Variants in PCDH1 observed in about 807,000 individuals in gnomAD.
PCDH1 encodes protocadherin 1, also known as protocadherin-1.
PCDH1 carries 23 observed loss-of-function variants against 74.6 expected under a neutral mutation model. The observed-to-expected ratio is 0.31, with a 90% CI of 0.22 to 0.44. The LOEUF is 0.44. Ranked by LOEUF, PCDH1 falls within the 20% of genes least tolerant of loss-of-function variation. PCDH1 has a pLI of 1.00. For synonymous variants in PCDH1, 647 were observed against 686.1 expected, an observed-to-expected ratio of 0.94 and a Z score of 0.89; for missense variants, 1,214 against 1,641.4, an observed-to-expected ratio of 0.74 and a Z score of 4.50.
At chr5:141,859,851 A>C (rs1372154205) in intron 3 of PCDH1, among the ~76,000 whole-genome samples, 1 of 152,084 alleles carries the variant, frequency 6.6e-6, no homozygotes, top group African/African-American at 2.4e-5. Context: ...CATCTAAAAC[A>C]CTCATGAGCT....
chr5:141,853,295 C>A lies in PCDH1; in HGVS notation c.*747G>T. On this transcript the variant is annotated 3_prime_UTR_variant, in exon 5 of 5. Coordinates refer to ENST00000287008, the MANE Select transcript of PCDH1 (RefSeq NM_032420.5). ...GGGCACTGCGGCAGGGAGGAGGGGG[C>A]ACAGGGCAGGTCCCCCCCCAGAGGG... The A allele has an allele frequency of 6.7e-6, 1 of 149,614 alleles. No individual in the cohort carries two copies. Among genetic ancestry groups the A allele is most frequent in the Non-Finnish European group, 1.5e-5 (1 of 67,820 alleles). 9.3% of individuals were successfully genotyped at this position (149,614 alleles called of 1,614,324 possible).
rs1161262717 is a variant in PCDH1, at chr5:141,857,439, G to A, written c.3132C>T (p.Thr1044=). 1 of 1,613,964 alleles carries A rather than the reference G, an allele frequency of 6.2e-7. No homozygotes were observed. Among genetic ancestry groups the A allele is most frequent in the Non-Finnish European group, 8.5e-7 (1 of 1,179,914 alleles). ...GGTCCTGCAGCTCCTGGGCCTGGCT[G>A]GTGGCCGAGAAGGTGACGCGGCGGT... ...LPHRRVTFSA[T]SQAQELQDPS... is the part of the protein sequence containing the mutation. The change falls in exon 4 of 5, where the codon ACC becomes ACT. Residue 1044 remains threonine (T), a synonymous_variant. Transcript: ENST00000287008.
chr5:141,863,745 C>A lies in PCDH1; in HGVS notation c.2586G>T (p.Val862=). The stretch of plus-strand genomic sequence containing the variant: ...CCAGGGCGATGAGCAAGGCCACGGC[C>A]ACCACACCAGCCACCACACCAAAGA... ...NILFGVVAGV[V]AVALLIALAV... is the part of the protein sequence containing the mutation. The change falls in exon 3 of 5, where the codon GTG becomes GTT. Residue 862 remains valine, a synonymous_variant. Transcript: ENST00000287008. This position sits in a 1 kb window ranked among gnomAD's most constrained non-coding sequence, Gnocchi z 7.5. The A allele has an allele frequency of 1.2e-6, 2 of 1,614,192 alleles. No homozygotes were observed. The highest frequency in any genetic ancestry group is 2.2e-5 in the South Asian group (2 of 91,080).
At chr5:141,854,489 C>G in intron 4 of PCDH1, 53 bp from the exon 5 acceptor site, 1 of 1,529,510 alleles carries the variant, frequency 6.5e-7, no homozygotes, top group Non-Finnish European at 8.8e-7. Context: ...CTCTGCAAAG[C>G]TCTGCTTCAT....
Position 141,878,230 on chromosome 5 carries a change from C to G in PCDH1, c.33G>C (p.Pro11=), listed in dbSNP as rs1753290509. The change falls in exon 1 of 5, where the codon CCG becomes CCC. Residue 11 remains proline (P), a synonymous_variant. Coordinates refer to ENST00000287008, the MANE Select transcript of PCDH1 (RefSeq NM_032420.5). The surrounding 1 kb of genome is among the most constrained non-coding windows in gnomAD (Gnocchi z 5.5). MDSGAGGRRC[P]EAALLILGPP... ...CCGCCGCCGGATCCTTACCCGCCTC[C>G]GGGCAGCGCCGGCCGCCCGCCCCGC... The G allele has an allele frequency of 2.2e-6, 3 of 1,387,768 alleles. No individual in the cohort carries two copies. The highest frequency in any genetic ancestry group is 1.9e-6 in the Non-Finnish European group (2 of 1,072,004). The allele number at this position is 1,387,768 out of a possible 1,614,324, so 86.0% of individuals were successfully genotyped here. A position where few individuals can be genotyped will look rare whatever the true frequency, so the allele number is the denominator to read the frequency against.
rs147725552 is a variant in PCDH1, at chr5:141,865,990, T to A, written c.904-563A>T. On this transcript the variant is annotated intron_variant, in intron 2 of 4. Coordinates refer to ENST00000287008, the MANE Select transcript of PCDH1 (RefSeq NM_032420.5). The surrounding 1 kb of genome is among the most constrained non-coding windows in gnomAD (Gnocchi z 4.4). ...TTGTATGTGTATGATTGTGTCAGAA[T>A]GTGTGATTATGTGTGATTTTTGTGT... 93 of 912,156 alleles carry A rather than the reference T, an allele frequency of 1.0e-4. 1 individual carries two copies. In the East Asian group the frequency reaches 9.3e-3, roughly 91 times the overall value. The allele number at this position is 912,156 out of a possible 1,614,324, so 56.5% of individuals were successfully genotyped here.
rs1465852316 is a variant in PCDH1, at chr5:141,865,903, T to C, written c.904-476A>G. Among the ~76,000 whole-genome samples, 2 of 152,212 alleles carry C rather than the reference T, an allele frequency of 1.3e-5. No homozygotes were observed. Among genetic ancestry groups the C allele is most frequent in the Non-Finnish European group, 2.9e-5 (2 of 68,034 alleles). On this transcript the variant is annotated intron_variant, in intron 2 of 4. Transcript: ENST00000287008. The surrounding 1 kb of genome is among the most constrained non-coding windows in gnomAD (Gnocchi z 4.4). ...GCACGCACGCATGCACATATGTATG[T>C]GTATGATTGTGTCAGAATGTGTGAT...
rs146652089 is a variant in PCDH1, at chr5:141,853,645, T to C, written c.*397A>G. On this transcript the variant is annotated 3_prime_UTR_variant, in exon 5 of 5. Coordinates refer to ENST00000287008, the MANE Select transcript of PCDH1 (RefSeq NM_032420.5). Reference sequence around the variant, plus strand: ...TTCAGCCCTGCTTCAGGGCTAAAATTGGGCATGCTATCCCCGCCCTGGTCG... The same window carrying C: ...TTCAGCCCTGCTTCAGGGCTAAAATCGGGCATGCTATCCCCGCCCTGGTCG... 1.3e-3 allele frequency: 214 copies of C among 163,584 alleles called. No homozygotes were observed. The highest frequency in any genetic ancestry group is 2.4e-3 in the Non-Finnish European group (183 of 75,778). The allele number at this position is 163,584 out of a possible 1,614,324, so 10.1% of individuals were successfully genotyped here.
In PCDH1 at chr5:141,865,282, A is replaced by G. The variant is rs1752771367; in HGVS notation, c.1049T>C (p.Leu350Pro). 6.2e-7 allele frequency: 1 copy of G among 1,614,194 alleles called. No homozygotes were observed. Among genetic ancestry groups the G allele is most frequent in the African/African-American group, 1.3e-5 (1 of 75,044 alleles). The change falls in exon 3 of 5, where the codon CTA becomes CCA. Residue 350 changes from leucine (L) to proline (P), a missense_variant. Around this residue, in one of 4 missense-constraint regions of PCDH1, gnomAD observed 836 missense variants for 1,182.2 expected, o/e 0.71. Coordinates refer to ENST00000287008, the MANE Select transcript of PCDH1 (RefSeq NM_032420.5). The surrounding 1 kb of genome is among the most constrained non-coding windows in gnomAD (Gnocchi z 4.4). ...AAGCACTGAGAAGCGCAGGGTGCTTAGGTCCTCACGGTCCACCGGGCCCTG... is the reference window on the plus strand; with the variant it reads ...AAGCACTGAGAAGCGCAGGGTGCTTGGGTCCTCACGGTCCACCGGGCCCTG... ...TVQGPVDREDLSTLRFSVLAK... is the reference protein window; with the variant it reads ...TVQGPVDREDPSTLRFSVLAK...
chr5:141,854,393 G>T lies in PCDH1; in HGVS notation c.3363C>A (p.Thr1121=), dbSNP rs776784483. 21 of 1,613,006 alleles carry T rather than the reference G, an allele frequency of 1.3e-5. No individual in the cohort carries two copies. In the South Asian group the frequency reaches 2.2e-4, roughly 17 times the overall value. The change falls in exon 5 of 5, where the codon ACC becomes ACA. Residue 1121 remains threonine, a synonymous_variant. Transcript: ENST00000287008. ...LPDVAMTGTC[T]RECSEFGHSD... ...AGTGGCCAAACTCACTGCACTCCCGGGTACATGTGCCTGTCATGGCGACAT... is the reference window on the plus strand; with the variant it reads ...AGTGGCCAAACTCACTGCACTCCCGTGTACATGTGCCTGTCATGGCGACAT...
intron 1 of PCDH1, among the ~76,000 whole-genome samples, chr5:141,870,782 C>T (rs900144430): frequency 6.6e-6 from 1 of 152,184 alleles, no homozygotes; most frequent in African/African-American, 2.4e-5. Context: ...TCCTCTCCAA[C>T]AAAATCATGG....
chr5:141,866,245 C>A (rs575550447), intron 2 of PCDH1: 4 of 985,330 alleles, frequency 4.1e-6, no homozygotes, highest in Middle Eastern at 5.2e-4. Context: ...GGCACCAATG[C>A]GAGGAATCCG....
chr5:141,873,997 T>G (rs1266313524), intron 1 of PCDH1, among the ~76,000 whole-genome samples: 1 of 152,150 alleles, frequency 6.6e-6, no homozygotes, highest in Non-Finnish European at 1.5e-5. Flanking sequence ...GAACCAGGAC[T>G]TGAGAAACAA....
At chr5:141,877,049 G>T (rs1753258807) in intron 1 of PCDH1, among the ~76,000 whole-genome samples, 1 of 152,232 alleles carries the variant, frequency 6.6e-6, no homozygotes, top group African/African-American at 2.4e-5. Flanking sequence ...CCGCTGTGCC[G>T]ATATTTACAA....
chr5:141,864,392 C>G lies in PCDH1; in HGVS notation c.1939G>C (p.Val647Leu). 1 of 1,614,098 alleles carries G rather than the reference C, an allele frequency of 6.2e-7. No homozygotes were observed. The highest frequency in any genetic ancestry group is 8.5e-7 in the Non-Finnish European group (1 of 1,179,966). Residue 647 changes from valine to leucine, a missense_variant, in exon 3 of 5, where the codon GTG (valine) becomes CTG (leucine). Physicochemically the swap from Val to Leu is conservative, Grantham distance 32. This residue lies in a region of PCDH1 where 836 missense variants were observed against 1,182.2 expected (regional missense o/e 0.71). Transcript: ENST00000287008. This position sits in a 1 kb window ranked among gnomAD's most constrained non-coding sequence, Gnocchi z 5.9. ...TTGTCCTGCTCCACTGAGAGCTGCA[C>G]CTGGGCATTCTCCCCCTTGTCTCCA... ...IDGDKGENAQ[V>L]QLSVEQDNGD...
Position 141,865,083 on chromosome 5 carries a change from C to A in PCDH1, c.1248G>T (p.Leu416=). The change falls in exon 3 of 5, where the codon CTG becomes CTT. Residue 416 remains leucine (L), a synonymous_variant. Transcript: ENST00000287008. The surrounding 1 kb of genome is among the most constrained non-coding windows in gnomAD (Gnocchi z 4.4). ...EDVAEETAVA[L]VQVSDRDEGE... ...CCTCATCTCGGTCAGACACCTGCAC[C>A]AGGGCCACAGCTGTCTCCTCTGCCA... 6.2e-7 allele frequency: 1 copy of A among 1,614,178 alleles called. No individual in the cohort carries two copies.
In PCDH1 at chr5:141,854,035, A is replaced by AG; in HGVS notation, c.*6dup. The AG allele has an allele frequency of 6.7e-7, 1 of 1,488,676 alleles. No individual in the cohort carries two copies. The highest frequency in any genetic ancestry group is 2.3e-5 in the East Asian group (1 of 42,738). 92.2% of individuals were successfully genotyped at this position (1,488,676 alleles called of 1,614,324 possible). A position where few individuals can be genotyped will look rare whatever the true frequency, so the allele number is the denominator to read the frequency against. On this transcript the variant is annotated 3_prime_UTR_variant, in exon 5 of 5. Coordinates refer to ENST00000287008, the MANE Select transcript of PCDH1 (RefSeq NM_032420.5). ...GGGGGAGGGGGGCCGGCCGGCCAGTAGGGGGCTCACAGGTAGATCTCGCGC... is the reference window on the plus strand; with the variant it reads ...GGGGGAGGGGGGCCGGCCGGCCAGTAGGGGGGCTCACAGGTAGATCTCGCGC...
chr5:141,860,528 G>T (rs1436085410), intron 3 of PCDH1, among the ~76,000 whole-genome samples: 2 of 149,858 alleles, frequency 1.3e-5, no homozygotes, highest in African/African-American at 4.9e-5. Context: ...GTTAAACGAA[G>T]TCTAACAGGT....
At position 141,864,788 on chromosome 5, in the gene PCDH1, A is replaced by G; in HGVS notation, c.1543T>C (p.Phe515Leu). ...TCACCAGGCTTGTTGTTTTCCGGGA[A>G]GGCGACCTCAGTGACACTCTGAGTG... ...VFTQSVTEVAFPENNKPGEVI... is the reference protein window; with the variant it reads ...VFTQSVTEVALPENNKPGEVI... Residue 515 changes from phenylalanine (F) to leucine (L), a missense_variant, in exon 3 of 5, where the codon TTC (phenylalanine) becomes CTC (leucine). Phe to Leu is a conservative substitution (Grantham distance 22, BLOSUM62 0). Transcript: ENST00000287008. This position sits in a 1 kb window ranked among gnomAD's most constrained non-coding sequence, Gnocchi z 5.9. The G allele has an allele frequency of 2.5e-6, 4 of 1,614,122 alleles. No individual in the cohort carries two copies. Among genetic ancestry groups the G allele is most frequent in the Non-Finnish European group, 3.4e-6 (4 of 1,180,002 alleles).
Sources: allele counts gnomAD v4.1 joint callset (sites outside exome capture counted in the v4.1 genomes callset), GRCh38; gene constraint gnomAD v4.1.1; regional missense constraint gnomAD v4.1.1; non-coding constraint Gnocchi (gnomAD v3.1); transcripts MANE v1.5; gene names NCBI Gene and HGNC (gene_info 2026-07-23, HGNC 2026-07-21).